The following AGO2 variants were observed in gnomAD, a reference collection of about 807,000 sequenced individuals.
AGO2 encodes protein argonaute-2.
Under a neutral mutation model 102.3 loss-of-function variants are expected in AGO2, and 5 were observed. The ratio of observed to expected loss-of-function variants is 0.05; its 90% confidence interval spans 0.03 to 0.10. The LOEUF is 0.10. Among genes scored for constraint, AGO2 ranks in the 10% least tolerant of loss-of-function variants. AGO2 has a pLI of 1.00. For synonymous variants in AGO2, 449 were observed against 473.1 expected, an observed-to-expected ratio of 0.95 and a Z score of 0.66; for missense variants, 541 against 1,183.7, an observed-to-expected ratio of 0.46 and a Z score of 7.97.
intron 1 of AGO2, among the ~76,000 whole-genome samples, chr8:140,604,732 C>T (rs2073973628): frequency 6.6e-6 from 1 of 151,610 alleles, no homozygotes; most frequent in Non-Finnish European, 1.5e-5. Context: ...GGGGCTGAGG[C>T]AGGAGAATGG....
chr8:140,600,637 A>G (rs1189680511), intron 1 of AGO2, among the ~76,000 whole-genome samples: 1 of 151,302 alleles, frequency 6.6e-6, no homozygotes, highest in Non-Finnish European at 1.5e-5. Flanking sequence ...CCGAGATTGC[A>G]CCACTGCACT....
At position 140,526,101 on chromosome 8, in the gene AGO2, G is replaced by C. The variant is rs1226689765; in HGVS notation, c.*5943C>G. On this transcript the variant is annotated 3_prime_UTR_variant, in exon 19 of 19. Transcript: ENST00000220592. This position sits in a 1 kb window ranked among gnomAD's most constrained non-coding sequence, Gnocchi z 5.2. ...GGTCCCAAAGTCAAAGGCCAATTAC[G>C]TCTGCATTGTCTTTGAAACCATGCA... The C allele has an allele frequency of 6.6e-6, 1 of 152,174 alleles. No homozygotes were observed. Among genetic ancestry groups the C allele is most frequent in the Non-Finnish European group, 1.5e-5 (1 of 68,042 alleles). The allele number at this position is 152,174 out of a possible 1,614,324, so 9.4% of individuals were successfully genotyped here.
At chr8:140,623,462 T>C (rs2074239266) in intron 1 of AGO2, among the ~76,000 whole-genome samples, 1 of 152,194 alleles carries the variant, frequency 6.6e-6, no homozygotes, top group African/African-American at 2.4e-5. Context: ...CACTCCAGCC[T>C]TGGCCTGTCT....
chr8:140,639,468 G>A (rs550946155), upstream of AGO2, among the ~76,000 whole-genome samples: 3 of 120,890 alleles, frequency 2.5e-5, no homozygotes, highest in Admixed American at 9.9e-5. Flanking sequence ...AGGACAGAGC[G>A]AAACTCCATC....
At chr8:140,606,992 G>A (rs1328825155) in intron 1 of AGO2, among the ~76,000 whole-genome samples, 1 of 151,508 alleles carries the variant, frequency 6.6e-6, no homozygotes, top group Non-Finnish European at 1.5e-5. Flanking sequence ...GCTCACGCCT[G>A]TAATCTCAGC....
At chr8:140,600,234 CA>C (rs1162443260) in intron 1 of AGO2, among the ~76,000 whole-genome samples, 3 of 152,224 alleles carry the variant, frequency 2.0e-5, no homozygotes, top group African/African-American at 7.2e-5. Flanking sequence ...CTGTAAGGCA[CA>C]AAAGTGGGAC....
Position 140,549,096 on chromosome 8 carries a change from G to A in AGO2, c.1588+18C>T, listed in dbSNP as rs769644326. 23 of 1,579,128 alleles carry A rather than the reference G, an allele frequency of 1.5e-5. No homozygotes were observed. The highest frequency in any genetic ancestry group is 1.0e-4 in the South Asian group (9 of 88,870). On this transcript the variant is annotated intron_variant, in intron 12 of 18. Coordinates refer to ENST00000220592, the MANE Select transcript of AGO2 (RefSeq NM_012154.5). ...ACCACGACGGCTCCCCACAGCCAGCGGGAGCGCCCACACCTACCGTACACG... is the reference window on the plus strand; with the variant it reads ...ACCACGACGGCTCCCCACAGCCAGCAGGAGCGCCCACACCTACCGTACACG...
intron 5 of AGO2, 50 bp from the exon 6 acceptor site, chr8:140,559,579 G>A: frequency 1.2e-6 from 2 of 1,608,266 alleles, no homozygotes; most frequent in Non-Finnish European, 1.7e-6. Flanking sequence ...TGGGGCTGCT[G>A]GACGGGCCCA....
intron 2 of AGO2, among the ~76,000 whole-genome samples, chr8:140,576,652 C>T (rs569218713): frequency 2.0e-5 from 3 of 152,194 alleles, no homozygotes; most frequent in Non-Finnish European, 4.4e-5. Context: ...ATGCTCTCTT[C>T]TACGAGGCTG....
At chr8:140,597,426 G>A (rs1010352799) in intron 1 of AGO2, among the ~76,000 whole-genome samples, 3 of 147,474 alleles carry the variant, frequency 2.0e-5, no homozygotes, top group Non-Finnish European at 3.0e-5. Context: ...CTCTGACTCC[G>A]TTTCTGGCAG....
chr8:140,575,253 C>A (rs2132983573), intron 2 of AGO2, among the ~76,000 whole-genome samples: 1 of 125,114 alleles, frequency 8.0e-6, no homozygotes, highest in East Asian at 2.0e-4. Context: ...ACCTCCCTGG[C>A]AGCCAGGGCA....
intron 16 of AGO2, among the ~76,000 whole-genome samples, chr8:140,537,855 GC>G (rs1001925923): frequency 1.3e-5 from 2 of 151,912 alleles, no homozygotes; most frequent in Admixed American, 1.3e-4. Flanking sequence ...GTCTCACTCT[GC>G]CCCCCAGGCG....
At chr8:140,583,430 G>C (rs1388648523) in intron 2 of AGO2, among the ~76,000 whole-genome samples, 2 of 152,156 alleles carry the variant, frequency 1.3e-5, no homozygotes, top group Non-Finnish European at 2.9e-5. Flanking sequence ...AATTCACTCA[G>C]GCAATTTCAT....
At chr8:140,556,066 A>G in intron 9 of AGO2, 48 bp from the exon 10 acceptor site, 3 of 1,612,148 alleles carry the variant, frequency 1.9e-6, no homozygotes, top group Non-Finnish European at 2.5e-6. Context: ...GAGGCCTCCC[A>G]TCTCTCTAGC....
chr8:140,639,480 G>A (rs1443828986), upstream of AGO2, among the ~76,000 whole-genome samples: 8 of 139,888 alleles, frequency 5.7e-5, no homozygotes, highest in African/African-American at 5.2e-5. Context: ...AACTCCATCT[G>A]AAAAAAAAAA....
Position 140,616,707 on chromosome 8 carries a change from C to T in AGO2, c.22+18778G>A, listed in dbSNP as rs115096072. Reference sequence around the variant, plus strand: ...GGGCCTGGGTGGGAGTCCAGGGCCTCGGTGCCAGAGCCCCTAGAACTGCCC... The same window carrying T: ...GGGCCTGGGTGGGAGTCCAGGGCCTTGGTGCCAGAGCCCCTAGAACTGCCC... On this transcript the variant is annotated intron_variant, in intron 1 of 18. Coordinates refer to ENST00000220592, the MANE Select transcript of AGO2 (RefSeq NM_012154.5). 7.1e-3 allele frequency among the ~76,000 whole-genome samples: 1,080 copies of T among 152,298 alleles called. 17 individuals carry two copies. The highest frequency in any genetic ancestry group is 0.025 in the African/African-American group (1,031 of 41,566).
At chr8:140,623,650 C>T (rs1341462221) in intron 1 of AGO2, among the ~76,000 whole-genome samples, 1 of 152,112 alleles carries the variant, frequency 6.6e-6, no homozygotes, top group Non-Finnish European at 1.5e-5. Context: ...CCGTGCACAC[C>T]TGTTACCTGT....
chr8:140,622,163 T>C (rs1196039700), intron 1 of AGO2, among the ~76,000 whole-genome samples: 2 of 152,222 alleles, frequency 1.3e-5, no homozygotes, highest in South Asian at 2.1e-4. Flanking sequence ...GCTTCATCTA[T>C]AGAACATACT....
the AGO2 span, among the ~76,000 whole-genome samples, chr8:140,641,827 T>C: frequency 1.3e-5 from 2 of 152,094 alleles, no homozygotes; most frequent in African/African-American, 4.8e-5. Flanking sequence ...ACCTTGGCCT[T>C]CCAAAGTGCC....
Sources: allele counts gnomAD v4.1 joint callset (sites outside exome capture counted in the v4.1 genomes callset), GRCh38; gene constraint gnomAD v4.1.1; non-coding constraint Gnocchi (gnomAD v3.1); transcripts MANE v1.5; gene names NCBI Gene and HGNC (gene_info 2026-07-23, HGNC 2026-07-21).